The following ACAP1 variants were observed in gnomAD, a reference collection of about 807,000 sequenced individuals.
ACAP1 encodes ArfGAP with coiled-coil, ankyrin repeat and PH domains 1.
In ACAP1, 45 loss-of-function variants were observed where a neutral mutation model predicts 98.8. The observed-to-expected ratio is 0.46, with a 90% CI of 0.36 to 0.58. The LOEUF is 0.58. Ranked by LOEUF, ACAP1 falls within the 20% of genes least tolerant of loss-of-function variation. The probability of loss-of-function intolerance (pLI) is 0.00; values close to 1 mark genes in which losing one functional copy is unlikely to be tolerated. For missense variants in ACAP1, 735 were observed against 971.4 expected (o/e 0.76, Z 3.24); for synonymous variants, 362 against 375.3 (o/e 0.96, Z 0.41).
At chr17:7,336,891 T>A in intron 1 of ACAP1, 104 bp downstream of exon 1, 1 of 1,315,452 alleles carries the variant, frequency 7.6e-7, no homozygotes, top group Non-Finnish European at 1.1e-6. Flanking sequence ...AGCAGGCCTC[T>A]AAGAGGCAGG....
At chr17:7,346,987 A>G (rs751317991) in intron 13 of ACAP1, 44 bp from the exon 14 acceptor site, 1 of 1,577,642 alleles carries the variant, frequency 6.3e-7, no homozygotes, top group Non-Finnish European at 8.6e-7. Flanking sequence ...GGCACCCTTT[A>G]CCCTAGGCCC....
At chr17:7,351,144 C>G in intron 21 of ACAP1, 145 bp downstream of exon 21, 1 of 1,115,296 alleles carries the variant, frequency 9.0e-7, no homozygotes, top group Non-Finnish European at 1.3e-6. Flanking sequence ...GTGCCAGGCC[C>G]TGGCAAGGCA....
chr17:7,348,283 T>G, intron 16 of ACAP1, 23 bp from the exon 17 acceptor site: 4 of 1,601,764 alleles, frequency 2.5e-6, no homozygotes, highest in Non-Finnish European at 3.4e-6. Flanking sequence ...GAGGGAAGAC[T>G]GCGTGCTTCT....
chr17:7,351,255 TG>T, intron 21 of ACAP1, 39 bp from the exon 22 acceptor site: 1 of 1,548,166 alleles, frequency 6.5e-7, no homozygotes, highest in Non-Finnish European at 8.9e-7. Context: ...CCTTCTGCAC[TG>T]GGGCCCAGCC....
Position 7,344,083 on chromosome 17 carries a change from A to T in ACAP1, c.704A>T (p.Lys235Met). 1 of 1,592,356 alleles carries T rather than the reference A, an allele frequency of 6.3e-7. No individual in the cohort carries two copies. The highest frequency in any genetic ancestry group is 1.3e-5 in the African/African-American group (1 of 74,350). Residue 235 changes from lysine (K) to methionine (M), a missense_variant, in exon 9 of 22, where the codon AAG becomes ATG. This residue lies in a region of ACAP1 where 430 missense variants were observed against 531.8 expected (regional missense o/e 0.81). Coordinates refer to ENST00000158762, the MANE Select transcript of ACAP1 (RefSeq NM_014716.4). This position sits in a 1 kb window ranked among gnomAD's most constrained non-coding sequence, Gnocchi z 4.9. ...CTGGTCTTGAATTCAGCACGAGAGA[A>T]GAGGGACATGGAGCAGAGACACGTG... is the stretch of plus-strand genomic sequence containing the variant. ...HQLVLNSARE[K>M]RDMEQRHVLL...
Position 7,350,171 on chromosome 17 carries a change from G to C in ACAP1, c.2006G>C (p.Arg669Pro). The change falls in exon 20 of 22, where the codon CGA becomes CCA. Residue 669 changes from arginine to proline, a missense_variant. This residue lies in a region of ACAP1 where 142 missense variants were observed against 224.1 expected (regional missense o/e 0.63). Transcript: ENST00000158762. This position sits in a 1 kb window ranked among gnomAD's most constrained non-coding sequence, Gnocchi z 4.6. ...FLKRGADLGA[R>P]DSEGRDPLTI... is the part of the protein sequence containing the mutation. Reference sequence around the variant, plus strand: ...AAACGGGGAGCTGATCTGGGGGCTCGAGACTCTGAAGGCAGGGACCCTCTG... The same window carrying C: ...AAACGGGGAGCTGATCTGGGGGCTCCAGACTCTGAAGGCAGGGACCCTCTG... 1.9e-6 allele frequency: 3 copies of C among 1,614,198 alleles called. No individual in the cohort carries two copies. Among genetic ancestry groups the C allele is most frequent in the Middle Eastern group, 1.6e-4 (1 of 6,062 alleles).
rs2073317505 is a variant in ACAP1 at position 7,343,644 on chromosome 17, G to T, written c.529-62G>T. The stretch of plus-strand genomic sequence containing the variant: ...CTTGGGGGTCTCCAGTGTGCAGTGG[G>T]AAGGGGTGCTGTGTCTTCAAGACTG... On this transcript the variant is annotated intron_variant, in intron 6 of 21. Transcript: ENST00000158762. The surrounding 1 kb of genome is among the most constrained non-coding windows in gnomAD (Gnocchi z 4.9). 1 of 1,599,286 alleles carries T rather than the reference G, an allele frequency of 6.3e-7. No individual in the cohort carries two copies. The highest frequency in any genetic ancestry group is 8.5e-7 in the Non-Finnish European group (1 of 1,170,582).
chr17:7,342,320 A>G lies in ACAP1; in HGVS notation c.277A>G (p.Ser93Gly). The stretch of plus-strand genomic sequence containing the variant: ...CGTGAGCCTGAACCACAAGCTGGAC[A>G]GCCATGCGGTAAGTAGGGGAAGGTA... ...FTVSLNHKLD[S>G]HAELLDATQH... is the part of the protein sequence containing the mutation. Residue 93 changes from serine to glycine, a missense_variant, in exon 4 of 22, where the codon AGC (serine) becomes GGC (glycine). This residue lies in a region of ACAP1 where 430 missense variants were observed against 531.8 expected (regional missense o/e 0.81). Coordinates refer to ENST00000158762, the MANE Select transcript of ACAP1 (RefSeq NM_014716.4). The G allele has an allele frequency of 3.7e-6, 6 of 1,614,180 alleles. No individual in the cohort carries two copies. Among genetic ancestry groups the G allele is most frequent in the Non-Finnish European group, 5.1e-6 (6 of 1,180,022 alleles).
intron 12 of ACAP1, 66 bp downstream of exon 12, chr17:7,346,557 C>A: frequency 7.0e-7 from 1 of 1,424,934 alleles, no homozygotes; most frequent in Non-Finnish European, 9.5e-7. Context: ...AAAGGCAGGG[C>A]CCACCACAAT....
Position 7,346,377 on chromosome 17 carries a change from C to A in ACAP1, c.907-14C>A. On this transcript the variant is annotated splice_polypyrimidine_tract_variant and intron_variant, in intron 11 of 21. Coordinates refer to ENST00000158762, the MANE Select transcript of ACAP1 (RefSeq NM_014716.4). Reference sequence around the variant, plus strand: ...CAGCTGGACATCTGGCCCCTTATCACCTTATCCTGCCAGGACCCTGTGACT... The same window carrying A: ...CAGCTGGACATCTGGCCCCTTATCAACTTATCCTGCCAGGACCCTGTGACT... The A allele has an allele frequency of 1.2e-6, 2 of 1,614,026 alleles. No individual in the cohort carries two copies. Among genetic ancestry groups the A allele is most frequent in the Non-Finnish European group, 1.7e-6 (2 of 1,179,902 alleles).
Position 7,344,986 on chromosome 17 carries a change from GA to G in ACAP1, c.854+341del, listed in dbSNP as rs1156733805. Among the ~76,000 whole-genome samples the G allele has an allele frequency of 3.3e-5, 5 of 152,302 alleles. No homozygotes were observed. The East Asian group carries it at 9.6e-4, about 29-fold the overall frequency. On this transcript the variant is annotated intron_variant, in intron 10 of 21. Transcript: ENST00000158762. This position sits in a 1 kb window ranked among gnomAD's most constrained non-coding sequence, Gnocchi z 4.9. ...TGGGGGAAGAAAGTTCTAGACAGAA[GA>G]AAGAGCCAGTGCCAAGGCCCTGAGA...
Position 7,343,802 on chromosome 17 carries a change from C to T in ACAP1, c.573+52C>T. The T allele has an allele frequency of 2.5e-6, 4 of 1,613,370 alleles. No individual in the cohort carries two copies. The highest frequency in any genetic ancestry group is 3.4e-6 in the Non-Finnish European group (4 of 1,179,616). ...GGTGGAGAAGAGCCTGCTGCCAGCA[C>T]AAGGGAATGGGGAGAGGGGTTCTTC... On this transcript the variant is annotated intron_variant, in intron 7 of 21. Transcript: ENST00000158762. The surrounding 1 kb of genome is among the most constrained non-coding windows in gnomAD (Gnocchi z 4.9).
Position 7,350,083 on chromosome 17 carries a change from T to C in ACAP1, c.1961+29T>C, listed in dbSNP as rs374913241. On this transcript the variant is annotated intron_variant, in intron 19 of 21. Coordinates refer to ENST00000158762, the MANE Select transcript of ACAP1 (RefSeq NM_014716.4). The surrounding 1 kb of genome is among the most constrained non-coding windows in gnomAD (Gnocchi z 4.6). Reference sequence around the variant, plus strand: ...GGGATGATGGCATGGGGAGGAAGGCTGGGAGAAGTTGGGCGGCCGGCTGAC... The same window carrying C: ...GGGATGATGGCATGGGGAGGAAGGCCGGGAGAAGTTGGGCGGCCGGCTGAC... The C allele has an allele frequency of 2.8e-5, 45 of 1,613,066 alleles. 1 individual carries two copies. The highest frequency in any genetic ancestry group is 1.5e-4 in the Admixed American group (9 of 59,946).
In ACAP1 at chr17:7,350,992, G is replaced by A. The variant is rs371186337; in HGVS notation, c.2115G>A (p.Gly705=). 24 of 1,614,028 alleles carry A rather than the reference G, an allele frequency of 1.5e-5. No homozygotes were observed. The East Asian group carries it at 4.5e-4, about 30-fold the overall frequency. ...TGAGGGAGGCTGAAGCGGCCCAGGG[G>A]CAGGCAGGTAAAGAATACACCCACC... ...AKMREAEAAQ[G]QAGDETYLDI... The change falls in exon 21 of 22, where the codon GGG becomes GGA. Residue 705 remains glycine, a synonymous_variant. Coordinates refer to ENST00000158762, the MANE Select transcript of ACAP1 (RefSeq NM_014716.4). This position sits in a 1 kb window ranked among gnomAD's most constrained non-coding sequence, Gnocchi z 4.6.
chr17:7,348,482 G>A lies in ACAP1; in HGVS notation c.1678+7G>A. ...AGCTTGAGATCCAAGCCAGGTATAG[G>A]GTTGGTTGGGCATTCATTGAGCATC... On this transcript the variant is annotated splice_region_variant and intron_variant, in intron 17 of 21. Coordinates refer to ENST00000158762, the MANE Select transcript of ACAP1 (RefSeq NM_014716.4). 1 of 1,466,656 alleles carries A rather than the reference G, an allele frequency of 6.8e-7. No individual in the cohort carries two copies. Among genetic ancestry groups the A allele is most frequent in the East Asian group, 2.4e-5 (1 of 41,778 alleles). 90.9% of individuals were successfully genotyped at this position (1,466,656 alleles called of 1,614,324 possible).
In ACAP1 at chr17:7,351,445, C is replaced by T; in HGVS notation, c.*50C>T. On this transcript the variant is annotated 3_prime_UTR_variant, in exon 22 of 22. Coordinates refer to ENST00000158762, the MANE Select transcript of ACAP1 (RefSeq NM_014716.4). ...TGCCTCCCTTCCCCGCCACCGGGCC[C>T]TCTGCCATTAAAGCCTCCGTGCTTC... The T allele has an allele frequency of 2.1e-6, 3 of 1,403,166 alleles. No individual in the cohort carries two copies. The highest frequency in any genetic ancestry group is 2.4e-5 in the South Asian group (2 of 83,210). The allele number at this position is 1,403,166 out of a possible 1,614,324, so 86.9% of individuals were successfully genotyped here.
chr17:7,343,786 G>C lies in ACAP1; in HGVS notation c.573+36G>C. The C allele has an allele frequency of 1.9e-6, 3 of 1,612,974 alleles. No homozygotes were observed. Among genetic ancestry groups the C allele is most frequent in the Non-Finnish European group, 2.5e-6 (3 of 1,179,418 alleles). On this transcript the variant is annotated intron_variant, in intron 7 of 21. Transcript: ENST00000158762. This position sits in a 1 kb window ranked among gnomAD's most constrained non-coding sequence, Gnocchi z 4.9. Reference sequence around the variant, plus strand: ...GCGGGGGTGAGGGCAGGGTGGAGAAGAGCCTGCTGCCAGCACAAGGGAATG... The same window carrying C: ...GCGGGGGTGAGGGCAGGGTGGAGAACAGCCTGCTGCCAGCACAAGGGAATG...
chr17:7,338,400 T>C (rs1656462691), intron 2 of ACAP1, among the ~76,000 whole-genome samples: 1 of 151,936 alleles, frequency 6.6e-6, no homozygotes, highest in Admixed American at 6.6e-5. Flanking sequence ...ATTACAGGTG[T>C]GCACCACCAC....
chr17:7,340,971 T>C (rs1006562002), intron 2 of ACAP1, among the ~76,000 whole-genome samples: 1 of 151,984 alleles, frequency 6.6e-6, no homozygotes, highest in African/African-American at 2.4e-5. Context: ...CTGAGCCACC[T>C]TGCCTGGCCT....
Sources: allele counts gnomAD v4.1 joint callset (sites outside exome capture counted in the v4.1 genomes callset), GRCh38; gene constraint gnomAD v4.1.1; regional missense constraint gnomAD v4.1.1; non-coding constraint Gnocchi (gnomAD v3.1); transcripts MANE v1.5; gene names NCBI Gene and HGNC (gene_info 2026-07-23, HGNC 2026-07-21).